The following MAP2 variants were observed in gnomAD, a reference collection of about 807,000 sequenced individuals.
MAP2 encodes the protein microtubule-associated protein 2.
Under a neutral mutation model 137.6 loss-of-function variants are expected in MAP2, and 14 were observed. The ratio of observed to expected loss-of-function variants is 0.10; its 90% CI spans 0.07 to 0.16. MAP2 has a LOEUF of 0.16. MAP2 is among the 10% of genes least tolerant of loss of function. The pLI, the probability that MAP2 is intolerant of heterozygous loss-of-function variation, is 1.00. For missense variants in MAP2, 2,088 were observed against 2,191.5 expected, an observed-to-expected ratio of 0.95 and a Z score of 0.94; for synonymous variants, 786 against 782.3, an observed-to-expected ratio of 1.00 and a Z score of -0.08.
intron 1 of MAP2, among the ~76,000 whole-genome samples, chr2:209,447,112 CCTT>C (rs760987535): frequency 2.0e-5 from 3 of 151,932 alleles, no homozygotes; most frequent in Non-Finnish European, 2.9e-5. Context: ...TAGAGTAACT[CCTT>C]CTTCTTCCAG....
intron 2 of MAP2, among the ~76,000 whole-genome samples, chr2:209,556,185 C>G (rs993536411): frequency 4.0e-5 from 6 of 151,852 alleles, no homozygotes; most frequent in African/African-American, 9.7e-5. Context: ...GGACTATAGG[C>G]ACATACCACC....
chr2:209,619,381 A>G (rs1002792150), intron 3 of MAP2, among the ~76,000 whole-genome samples: 13 of 152,266 alleles, frequency 8.5e-5, no homozygotes, highest in African/African-American at 3.1e-4. Flanking sequence ...ACATCATATT[A>G]TACATGATAA....
chr2:209,426,534 G>A (rs1422527539), intron 1 of MAP2, among the ~76,000 whole-genome samples: 1 of 152,122 alleles, frequency 6.6e-6, no homozygotes, highest in Non-Finnish European at 1.5e-5. Flanking sequence ...GAGGAGACAG[G>A]GAAAGAATGT....
intron 2 of MAP2, among the ~76,000 whole-genome samples, chr2:209,556,992 G>C (rs79641889): frequency 0.02 from 2,999 of 152,102 alleles, 95 homozygotes; most frequent in African/African-American, 0.068. Flanking sequence ...TTATTTGGGT[G>C]AATTAAGTTG....
At chr2:209,448,357 C>T (rs1283506910) in intron 1 of MAP2, among the ~76,000 whole-genome samples, 2 of 152,076 alleles carry the variant, frequency 1.3e-5, no homozygotes, top group Admixed American at 1.3e-4. Flanking sequence ...GCCAATCTTG[C>T]GTGCTCCCCA....
At position 209,604,838 on chromosome 2, in the gene MAP2, T is replaced by A. The variant is rs533967745; in HGVS notation, c.-106-20215T>A. 2.5e-4 allele frequency among the ~76,000 whole-genome samples: 38 copies of A among 152,306 alleles called. 1 individual carries two copies. Among genetic ancestry groups the A allele is most frequent in the African/African-American group, 8.7e-4 (36 of 41,578 alleles). ...GCGGACAGGAAAGACAAAGTGTTAG[T>A]GTTGGCAAATCCCAAAACAGAATAC... On this transcript the variant is annotated intron_variant, in intron 3 of 15. Coordinates refer to ENST00000682079, the MANE Select transcript of MAP2 (RefSeq NM_001375505.1).
At chr2:209,725,284 C>T (rs140189510) in intron 13 of MAP2, among the ~76,000 whole-genome samples, 3 of 152,272 alleles carry the variant, frequency 2.0e-5, no homozygotes, top group East Asian at 1.9e-4. Context: ...TGTATCTTAA[C>T]GTTGGTCTTC....
intron 2 of MAP2, among the ~76,000 whole-genome samples, chr2:209,519,157 A>G (rs375798972): frequency 2.7e-4 from 41 of 152,142 alleles, no homozygotes; most frequent in Non-Finnish European, 4.6e-4. Flanking sequence ...GCATTAAACC[A>G]GAATGTGATG....
intron 1 of MAP2, among the ~76,000 whole-genome samples, chr2:209,441,308 G>A (rs116413580): frequency 0.01 from 1,512 of 146,846 alleles, 21 homozygotes; most frequent in African/African-American, 0.039. Context: ...ATAATACCAC[G>A]TTTTATTTCT....
intron 1 of MAP2, among the ~76,000 whole-genome samples, chr2:209,437,792 A>G (rs904158859): frequency 4.6e-5 from 7 of 151,834 alleles, no homozygotes; most frequent in East Asian, 1.9e-4. Flanking sequence ...ACAAAAATAC[A>G]TAAGTTAGAA....
intron 1 of MAP2, among the ~76,000 whole-genome samples, chr2:209,494,441 A>G (rs115093917): frequency 0.023 from 3,456 of 151,960 alleles, 126 homozygotes; most frequent in African/African-American, 0.078. Flanking sequence ...TTAAAAAAAA[A>G]AAAAAGCCAG....
At chr2:209,616,861 G>A (rs1182404188) in intron 3 of MAP2, among the ~76,000 whole-genome samples, 5 of 152,144 alleles carry the variant, frequency 3.3e-5, no homozygotes, top group Non-Finnish European at 7.4e-5. Flanking sequence ...GGGGGCTTAG[G>A]TTCAGTGAAG....
intron 5 of MAP2, among the ~76,000 whole-genome samples, chr2:209,657,495 T>C (rs1166054222): frequency 2.0e-5 from 3 of 152,222 alleles, no homozygotes; most frequent in Admixed American, 6.5e-5. Flanking sequence ...TGATATCTCA[T>C]TGTGGTTTTA....
At chr2:209,552,900 C>A (rs937657038) in intron 2 of MAP2, among the ~76,000 whole-genome samples, 4 of 151,848 alleles carry the variant, frequency 2.6e-5, no homozygotes, top group African/African-American at 9.7e-5. Context: ...GTTTGAAAAT[C>A]AATTAAAATT....
At chr2:209,650,666 G>GT (rs1320410567) in intron 4 of MAP2, among the ~76,000 whole-genome samples, 2 of 152,166 alleles carry the variant, frequency 1.3e-5, no homozygotes, top group African/African-American at 4.8e-5. Context: ...ACTATGGACT[G>GT]TAGTTAAAAG....
intron 4 of MAP2, among the ~76,000 whole-genome samples, chr2:209,626,475 A>G (rs1020994612): frequency 6.6e-6 from 1 of 152,178 alleles, no homozygotes; most frequent in African/African-American, 2.4e-5. Context: ...AACAAATGCT[A>G]ACATGCAGCT....
intron 2 of MAP2, among the ~76,000 whole-genome samples, chr2:209,541,611 A>C (rs1055470121): frequency 3.3e-5 from 5 of 152,258 alleles, no homozygotes; most frequent in South Asian, 2.1e-4. Context: ...TCATCAACTT[A>C]GTTTATGTAA....
intron 7 of MAP2, among the ~76,000 whole-genome samples, chr2:209,683,399 A>G (rs1268486305): frequency 6.6e-6 from 1 of 152,204 alleles, no homozygotes; most frequent in Non-Finnish European, 1.5e-5. Flanking sequence ...TTGAGTTTTA[A>G]GAAAAACAGA....
intron 2 of MAP2, among the ~76,000 whole-genome samples, chr2:209,527,213 C>T (rs1008877974): frequency 6.6e-6 from 1 of 152,092 alleles, no homozygotes; most frequent in Non-Finnish European, 1.5e-5. Context: ...ACACTTAATC[C>T]TCACTTACTC....
Sources: allele counts gnomAD v4.1 joint callset (sites outside exome capture counted in the v4.1 genomes callset), GRCh38; gene constraint gnomAD v4.1.1; transcripts MANE v1.5; gene names NCBI Gene and HGNC (gene_info 2026-07-23, HGNC 2026-07-21).